Variants in RFX7 observed in about 807,000 individuals in gnomAD.
RFX7 encodes regulatory factor X7, also known as DNA-binding protein RFX7.
Under a neutral mutation model 111.8 loss-of-function variants are expected in RFX7, and 26 were observed. The ratio of observed to expected loss-of-function variants is 0.23; its 90% confidence interval spans 0.17 to 0.32. RFX7 has a LOEUF of 0.32. RFX7 is among the 10% of genes least tolerant of loss of function. The pLI, the probability that RFX7 is intolerant of heterozygous loss-of-function variation, is 1.00. For synonymous variants in RFX7, 624 were observed against 624.4 expected, an observed-to-expected ratio of 1.00 and a Z score of 0.01; for missense variants, 1,573 against 1,772.9, an observed-to-expected ratio of 0.89 and a Z score of 2.02.
chr15:56,188,535 AG>A (rs2043065661), intron 2 of RFX7, among the ~76,000 whole-genome samples: 1 of 152,228 alleles, frequency 6.6e-6, no homozygotes, highest in African/African-American at 2.4e-5. Context: ...GAAAGCAGCC[AG>A]AAAAAAGTAA....
At chr15:56,224,545 C>T (rs978170304) in intron 2 of RFX7, among the ~76,000 whole-genome samples, 1 of 151,278 alleles carries the variant, frequency 6.6e-6, no homozygotes, top group Non-Finnish European at 1.5e-5. Flanking sequence ...TTTAACCCCA[C>T]TAATATTTTA....
At chr15:56,117,997 C>T (rs758340834) in intron 5 of RFX7, among the ~76,000 whole-genome samples, 64 of 151,814 alleles carry the variant, frequency 4.2e-4, no homozygotes, top group Admixed American at 2.6e-4. Flanking sequence ...AGTAGGACTG[C>T]TGGATCATAT....
At chr15:56,136,396 C>G (rs1163585786) in intron 5 of RFX7, among the ~76,000 whole-genome samples, 8 of 146,534 alleles carry the variant, frequency 5.5e-5, no homozygotes, top group Admixed American at 1.4e-4. Context: ...TGGGAGTTCA[C>G]TCAGGATTTG....
intron 3 of RFX7, among the ~76,000 whole-genome samples, chr15:56,166,079 T>C (rs1595981419): frequency 6.6e-6 from 1 of 152,290 alleles, no homozygotes; most frequent in East Asian, 1.9e-4. Context: ...ATTTTTTATT[T>C]TTTGTAGAGA....
intron 5 of RFX7, among the ~76,000 whole-genome samples, chr15:56,117,491 G>A (rs2042023522): frequency 6.6e-6 from 1 of 152,238 alleles, no homozygotes; most frequent in South Asian, 2.1e-4. Flanking sequence ...TCATTTATTT[G>A]TGTTGGGAAC....
chr15:56,244,466 T>TC (rs1178732271), upstream of RFX7, among the ~76,000 whole-genome samples: 1 of 151,850 alleles, frequency 6.6e-6, no homozygotes, highest in Non-Finnish European at 1.5e-5. Flanking sequence ...GCGGCCTCCA[T>TC]CCCCCTGCAA....
intron 3 of RFX7, among the ~76,000 whole-genome samples, chr15:56,161,111 T>G (rs2042715213): frequency 6.6e-6 from 1 of 152,096 alleles, no homozygotes; most frequent in Non-Finnish European, 1.5e-5. Context: ...CTGAGTCAAT[T>G]TGAAAGACAT....
chr15:56,124,519 C>T lies in RFX7; in HGVS notation c.401+18259G>A, dbSNP rs1325670093. ...TGTTCCCTTTTCTTTGCATCCTCTC[C>T]AGCATTTATTTGTCTTTCTGAAAGT... On this transcript the variant is annotated intron_variant, in intron 5 of 9. Transcript: ENST00000559447. 3.9e-5 allele frequency among the ~76,000 whole-genome samples: 6 copies of T among 152,148 alleles called. No individual in the cohort carries two copies. The East Asian group carries it at 1.2e-3, about 29-fold the overall frequency.
At chr15:56,156,480 T>C (rs2042654370) in intron 3 of RFX7, among the ~76,000 whole-genome samples, 2 of 152,098 alleles carry the variant, frequency 1.3e-5, no homozygotes, top group African/African-American at 2.4e-5. Flanking sequence ...TCTCTACTGA[T>C]AGACAATATG....
At chr15:56,219,832 G>A (rs2043405061) in intron 2 of RFX7, among the ~76,000 whole-genome samples, 1 of 152,270 alleles carries the variant, frequency 6.6e-6, no homozygotes, top group East Asian at 1.9e-4. Flanking sequence ...AAATATGTGT[G>A]TACATGTGTC....
chr15:56,140,185 C>T, intron 5 of RFX7, among the ~76,000 whole-genome samples: 1 of 152,216 alleles, frequency 6.6e-6, no homozygotes, highest in Non-Finnish European at 1.5e-5. Flanking sequence ...CTAATCAAGC[C>T]TGGGCTATGG....
chr15:56,127,801 C>T (rs2042164285), intron 5 of RFX7, among the ~76,000 whole-genome samples: 1 of 151,802 alleles, frequency 6.6e-6, no homozygotes. Context: ...CCGTCTTGGC[C>T]TCCCAAAGTG....
intron 2 of RFX7, among the ~76,000 whole-genome samples, chr15:56,213,698 A>G (rs2043334922): frequency 6.6e-6 from 1 of 152,166 alleles, no homozygotes; most frequent in South Asian, 2.1e-4. Flanking sequence ...GGTACACATG[A>G]TCTCTCTTTA....
intron 2 of RFX7, among the ~76,000 whole-genome samples, chr15:56,188,935 T>C (rs1396864234): frequency 1.3e-5 from 2 of 152,072 alleles, no homozygotes; most frequent in Admixed American, 1.3e-4. Flanking sequence ...GGGGTTCAAG[T>C]GATTCTCCTG....
chr15:56,242,959 T>C (rs2043721352), intron 2 of RFX7, among the ~76,000 whole-genome samples, 166 bp downstream of exon 2: 2 of 152,142 alleles, frequency 1.3e-5, no homozygotes, highest in Non-Finnish European at 2.9e-5. Context: ...TGATGCAAAG[T>C]CCGCACACCT....
At chr15:56,197,944 T>C (rs994626753) in intron 2 of RFX7, among the ~76,000 whole-genome samples, 1 of 152,094 alleles carries the variant, frequency 6.6e-6, no homozygotes, top group Non-Finnish European at 1.5e-5. Flanking sequence ...TAGTTCAAAA[T>C]CCAGAAAATT....
intron 5 of RFX7, among the ~76,000 whole-genome samples, chr15:56,123,887 G>A (rs2042108527): frequency 6.6e-6 from 1 of 152,196 alleles, no homozygotes; most frequent in South Asian, 2.1e-4. Flanking sequence ...TCCTGCAAGT[G>A]GACTCATTCT....
At chr15:56,126,786 C>G (rs1407033468) in intron 5 of RFX7, among the ~76,000 whole-genome samples, 4 of 151,720 alleles carry the variant, frequency 2.6e-5, no homozygotes, top group African/African-American at 9.7e-5. Flanking sequence ...GAACTGTTAC[C>G]AAAGATATTA....
intron 3 of RFX7, among the ~76,000 whole-genome samples, chr15:56,159,262 G>A (rs2042692818): frequency 6.6e-6 from 1 of 152,102 alleles, no homozygotes; most frequent in Non-Finnish European, 1.5e-5. Flanking sequence ...CACGTAGGTC[G>A]CTTCTGTATC....
Sources: allele counts gnomAD v4.1 joint callset (sites outside exome capture counted in the v4.1 genomes callset), GRCh38; gene constraint gnomAD v4.1.1; transcripts MANE v1.5; gene names NCBI Gene and HGNC (gene_info 2026-07-23, HGNC 2026-07-21).